The following PPP1R9A variants were observed in gnomAD, a reference collection of about 807,000 sequenced individuals.
PPP1R9A encodes the protein protein phosphatase 1 regulatory subunit 9A.
PPP1R9A carries 59 observed loss-of-function variants against 141.9 expected under a neutral mutation model. That is an observed-to-expected ratio of 0.42 (90% confidence interval 0.34 to 0.52). PPP1R9A has a LOEUF of 0.52. PPP1R9A is among the 20% of genes least tolerant of loss of function. The pLI is 0.10. For synonymous variants in PPP1R9A, 500 were observed against 569.7 expected (o/e 0.88, Z 1.74); for missense variants, 1,444 against 1,611.9 (o/e 0.90, Z 1.78).
chr7:94,940,713 C>G (rs1200888693), intron 2 of PPP1R9A, among the ~76,000 whole-genome samples: 2 of 151,812 alleles, frequency 1.3e-5, no homozygotes, highest in African/African-American at 2.4e-5. Context: ...CTTGAAAGAC[C>G]AGAATGCAAG....
intron 6 of PPP1R9A, 113 bp downstream of exon 6, chr7:95,198,597 C>T (rs1189233275): frequency 8.0e-7 from 1 of 1,251,990 alleles, no homozygotes; most frequent in Admixed American, 2.8e-5. Flanking sequence ...GGTGTGTCCA[C>T]ATTGAACTAA....
chr7:95,140,426 T>A (rs1217104579), intron 4 of PPP1R9A, among the ~76,000 whole-genome samples: 1 of 152,258 alleles, frequency 6.6e-6, no homozygotes, highest in African/African-American at 2.4e-5. Context: ...AGTCCTGTTC[T>A]GTTGCCCAGG....
chr7:95,231,332 G>A (rs917313564), intron 8 of PPP1R9A, among the ~76,000 whole-genome samples: 2 of 152,078 alleles, frequency 1.3e-5, no homozygotes, highest in African/African-American at 2.4e-5. Context: ...CACTAGACAG[G>A]TGGGTCATCA....
chr7:95,164,709 C>G (rs1467959092), intron 5 of PPP1R9A, among the ~76,000 whole-genome samples: 1 of 145,378 alleles, frequency 6.9e-6, no homozygotes, highest in Non-Finnish European at 1.5e-5. Context: ...ATTTTCTCTT[C>G]CAGATTACCA....
intron 2 of PPP1R9A, among the ~76,000 whole-genome samples, chr7:95,099,705 A>C (rs1818502640): frequency 6.6e-6 from 1 of 152,216 alleles, no homozygotes; most frequent in African/African-American, 2.4e-5. Context: ...TTTATTAAAA[A>C]TCAATGAAAA....
Position 94,993,260 on chromosome 7 carries a change from A to G in PPP1R9A, c.1395+81752A>G, listed in dbSNP as rs1002696101. On this transcript the variant is annotated intron_variant, in intron 2 of 19. Transcript: ENST00000433360. ...CTGGGTTCTCTATTCTGTTCCATTG[A>G]TCTATTTGTCTTGTGTTGATGCCAG... 4.0e-5 allele frequency among the ~76,000 whole-genome samples: 6 copies of G among 151,666 alleles called. 1 individual carries two copies. In the South Asian group the frequency reaches 1.3e-3, roughly 32 times the overall value.
rs752902115 is a variant in PPP1R9A, at chr7:95,251,783, A to G, written c.2418A>G (p.Arg806=). The G allele has an allele frequency of 6.2e-7, 1 of 1,613,762 alleles. No homozygotes were observed. The highest frequency in any genetic ancestry group is 1.1e-5 in the South Asian group (1 of 91,076). The change falls in exon 11 of 20, where the codon AGA becomes AGG. Residue 806 remains arginine (R), a synonymous_variant. Transcript: ENST00000433360. ...FQQKELDFIK[R]QEAERKKIED... Reference sequence around the variant, plus strand: ...TAAGAGAGCTTGATTTCATCAAAAGACAGGAAGCAGAAAGAAAGAAAATAG... The same window carrying G: ...TAAGAGAGCTTGATTTCATCAAAAGGCAGGAAGCAGAAAGAAAGAAAATAG...
intron 2 of PPP1R9A, among the ~76,000 whole-genome samples, chr7:95,082,143 G>T (rs2152289138): frequency 6.6e-6 from 1 of 152,314 alleles, no homozygotes; most frequent in African/African-American, 2.4e-5. Flanking sequence ...AAAGAGGGGT[G>T]TTTGTCATAA....
chr7:95,082,766 C>CT (rs1159814204), intron 2 of PPP1R9A, among the ~76,000 whole-genome samples: 1,720 of 109,298 alleles, frequency 0.016, 18 homozygotes, highest in Non-Finnish European at 0.023. Flanking sequence ...GAAGGGATTT[C>CT]TTTTTTTTTT....
chr7:95,186,312 A>AGCTTGGTC (rs770642500), intron 5 of PPP1R9A, among the ~76,000 whole-genome samples: 8 of 152,198 alleles, frequency 5.3e-5, no homozygotes, highest in Admixed American at 1.3e-4. Context: ...TTTGATTCTC[A>AGCTTGGTC]GCTTGGTCGA....
intron 12 of PPP1R9A, among the ~76,000 whole-genome samples, chr7:95,255,602 A>G (rs1799470716): frequency 6.6e-6 from 1 of 152,196 alleles, no homozygotes; most frequent in South Asian, 2.1e-4. Context: ...GGTCCTGCCG[A>G]TTATACTGCA....
At chr7:95,203,186 A>T (rs541341788) in intron 6 of PPP1R9A, among the ~76,000 whole-genome samples, 1 of 152,170 alleles carries the variant, frequency 6.6e-6, no homozygotes, top group South Asian at 2.1e-4. Context: ...CTTTTAAAGT[A>T]TTGAATACAG....
intron 2 of PPP1R9A, among the ~76,000 whole-genome samples, chr7:94,994,140 C>T (rs1451268602): frequency 4.0e-5 from 6 of 151,248 alleles, no homozygotes; most frequent in African/African-American, 9.7e-5. Flanking sequence ...TTCATAGGTG[C>T]GATGAACAAA....
intron 2 of PPP1R9A, among the ~76,000 whole-genome samples, chr7:95,016,024 G>A (rs1450657480): frequency 6.6e-6 from 1 of 152,120 alleles, no homozygotes; most frequent in Non-Finnish European, 1.5e-5. Flanking sequence ...CTGCACTTCA[G>A]CTTGGGCAAC....
In PPP1R9A at chr7:95,050,752, G is replaced by A. The variant is rs536915556; in HGVS notation, c.1396-60507G>A. 1.2e-4 allele frequency among the ~76,000 whole-genome samples: 19 copies of A among 152,170 alleles called. No individual in the cohort carries two copies. In the South Asian group the frequency reaches 3.1e-3, roughly 25 times the overall value. ...AAAAGAAATAAATACAAGCAAGAAA[G>A]CAGGCTATAGGAGAAGATAGTTTCA... On this transcript the variant is annotated intron_variant, in intron 2 of 19. Coordinates refer to ENST00000433360, the MANE Select transcript of PPP1R9A (RefSeq NM_001166160.2).
intron 2 of PPP1R9A, among the ~76,000 whole-genome samples, chr7:94,935,395 G>C (rs1418273751): frequency 6.6e-6 from 1 of 152,026 alleles, no homozygotes; most frequent in Non-Finnish European, 1.5e-5. Context: ...GGAGCATTGT[G>C]AAAAAAATGG....
intron 2 of PPP1R9A, among the ~76,000 whole-genome samples, chr7:95,082,794 C>T (rs200164999): frequency 1.1e-4 from 13 of 122,466 alleles, no homozygotes; most frequent in African/African-American, 3.7e-4. Flanking sequence ...TTTTTTGAGA[C>T]GGAGTCTTGC....
Position 95,288,615 on chromosome 7 carries a change from C to G in PPP1R9A, c.3809C>G (p.Ser1270Cys), listed in dbSNP as rs768646803. The G allele has an allele frequency of 2.5e-6, 4 of 1,614,098 alleles. No homozygotes were observed. The South Asian group carries it at 4.4e-5, about 18-fold the overall frequency. ...AVQEWSVQQV[S>C]HWLMSLNLEQ... ...CAGGAATGGAGTGTGCAGCAGGTTT[C>G]TCACTGGTTAATGAGCCTAAATCTG... The change falls in exon 19 of 20, where the codon TCT becomes TGT. Residue 1270 changes from serine (S) to cysteine (C), a missense_variant. Ser to Cys is a moderately radical substitution (Grantham distance 112). Coordinates refer to ENST00000433360, the MANE Select transcript of PPP1R9A (RefSeq NM_001166160.2).
chr7:95,050,633 G>A (rs748630542), intron 2 of PPP1R9A, among the ~76,000 whole-genome samples: 17 of 152,182 alleles, frequency 1.1e-4, no homozygotes, highest in Non-Finnish European at 2.1e-4. Flanking sequence ...AGGCGAGGCA[G>A]GAGAATCGCT....
Sources: gnomAD v4.1 joint callset for allele counts (sites outside exome capture counted in the v4.1 genomes callset) on GRCh38, gnomAD v4.1.1 for gene constraint, MANE v1.5 for transcripts, NCBI Gene and HGNC (gene_info 2026-07-23, HGNC 2026-07-21) for gene names.